The following SDK1 variants were observed in gnomAD, a reference collection of about 807,000 sequenced individuals.
SDK1 encodes protein sidekick-1.
SDK1 carries 157 observed loss-of-function variants against 245.5 expected under a neutral mutation model. That is an observed-to-expected ratio of 0.64 (90% CI 0.56 to 0.73). The LOEUF is 0.73. Among genes scored for constraint, SDK1 ranks in the 30% least tolerant of loss-of-function variants. The pLI, the probability that SDK1 is intolerant of heterozygous loss-of-function variation, is 0.00. For synonymous variants in SDK1, 1,647 were observed against 1,278.5 expected (o/e 1.29, Z -6.15); for missense variants, 3,583 against 3,002.3 (o/e 1.19, Z -4.52).
chr7:3,860,650 A>G (rs1202805755), intron 5 of SDK1, among the ~76,000 whole-genome samples: 1 of 152,208 alleles, frequency 6.6e-6, no homozygotes, highest in Non-Finnish European at 1.5e-5. Flanking sequence ...CTTTTAAATT[A>G]TCAGGCCCAG....
chr7:3,500,624 G>A (rs991007392), intron 1 of SDK1, among the ~76,000 whole-genome samples: 9 of 152,044 alleles, frequency 5.9e-5, no homozygotes, highest in Non-Finnish European at 1.0e-4. Flanking sequence ...ACAGCTAATT[G>A]TAGATCTCAT....
At chr7:3,483,332 C>A (rs1781576445) in intron 1 of SDK1, among the ~76,000 whole-genome samples, 1 of 151,960 alleles carries the variant, frequency 6.6e-6, no homozygotes, top group African/African-American at 2.4e-5. Context: ...TAGTTTTATA[C>A]CCACTTTTCC....
At chr7:3,939,667 A>G (rs968874764) in intron 5 of SDK1, among the ~76,000 whole-genome samples, 4 of 152,174 alleles carry the variant, frequency 2.6e-5, no homozygotes, top group African/African-American at 9.7e-5. Context: ...TCTTGGAGAT[A>G]TATACATATA....
At chr7:3,435,118 A>G (rs1779979439) in intron 1 of SDK1, among the ~76,000 whole-genome samples, 1 of 151,760 alleles carries the variant, frequency 6.6e-6, no homozygotes, top group Non-Finnish European at 1.5e-5. Flanking sequence ...TAAATTAAAG[A>G]TTTCTTAGTT....
intron 9 of SDK1, among the ~76,000 whole-genome samples, chr7:3,964,287 C>G (rs1054081502): frequency 1.3e-5 from 2 of 152,192 alleles, no homozygotes; most frequent in African/African-American, 4.8e-5. Flanking sequence ...GCACAGACGG[C>G]TGTCACTCCC....
rs936786190 is a variant in SDK1, at chr7:3,977,507, C to T, written c.1994+2962C>T. Among the ~76,000 whole-genome samples, 32 of 152,368 alleles carry T rather than the reference C, an allele frequency of 2.1e-4. 1 individual carries two copies. The highest frequency in any genetic ancestry group is 6.0e-4 in the African/African-American group (25 of 41,594). On this transcript the variant is annotated intron_variant, in intron 13 of 44. Coordinates refer to ENST00000404826, the MANE Select transcript of SDK1 (RefSeq NM_152744.4). ...TGCCTTCAGGCATTGGAGCCTACGA[C>T]CCTGGGTTCTTTCTGCCCTTCATGA...
At chr7:3,459,649 A>G (rs771496829) in intron 1 of SDK1, among the ~76,000 whole-genome samples, 3 of 152,196 alleles carry the variant, frequency 2.0e-5, no homozygotes, top group Admixed American at 1.3e-4. Context: ...ATGCTTTTCT[A>G]AGTCCCCACC....
At chr7:3,497,487 G>A (rs1483523794) in intron 1 of SDK1, among the ~76,000 whole-genome samples, 11 of 152,074 alleles carry the variant, frequency 7.2e-5, no homozygotes, top group African/African-American at 9.7e-5. Flanking sequence ...ATTGCTATTC[G>A]AGAGTGAGTT....
intron 1 of SDK1, among the ~76,000 whole-genome samples, chr7:3,566,027 C>G (rs1333786304): frequency 6.6e-6 from 1 of 151,810 alleles, no homozygotes; most frequent in African/African-American, 2.4e-5. Flanking sequence ...AATATAATAT[C>G]TATGAATTAA....
At chr7:3,374,770 C>A (rs1250703080) in intron 1 of SDK1, among the ~76,000 whole-genome samples, 1 of 152,138 alleles carries the variant, frequency 6.6e-6, no homozygotes, top group African/African-American at 2.4e-5. Flanking sequence ...GTCTCAGATT[C>A]AGTAATATTT....
intron 1 of SDK1, among the ~76,000 whole-genome samples, chr7:3,463,059 C>T (rs1780882558): frequency 1.3e-5 from 2 of 152,178 alleles, no homozygotes; most frequent in African/African-American, 4.8e-5. Context: ...TGCTATGGGG[C>T]TTTGCACTTG....
In SDK1 at chr7:3,987,278, G is replaced by A; in HGVS notation, c.2087G>A (p.Gly696Glu). Reference sequence around the variant, plus strand: ...CTCTCTTGGGTCCGGCCCTTTGATGGAAACAGTCCTATTCTTTATTACATC... The same window carrying A: ...CTCTCTTGGGTCCGGCCCTTTGATGAAAACAGTCCTATTCTTTATTACATC... ...VVLSWVRPFDGNSPILYYIVE... is the reference protein window; with the variant it reads ...VVLSWVRPFDENSPILYYIVE... The change falls in exon 14 of 45, where the codon GGA (glycine) becomes GAA (glutamate). Residue 696 changes from glycine to glutamate, a missense_variant. Physicochemically the swap from Gly to Glu is moderately conservative, Grantham distance 98. Transcript: ENST00000404826. 1 of 1,614,110 alleles carries A rather than the reference G, an allele frequency of 6.2e-7. No homozygotes were observed. Among genetic ancestry groups the A allele is most frequent in the Non-Finnish European group, 8.5e-7 (1 of 1,179,982 alleles).
intron 31 of SDK1, among the ~76,000 whole-genome samples, chr7:4,159,069 C>A (rs985347155): frequency 6.6e-6 from 1 of 152,210 alleles, no homozygotes; most frequent in African/African-American, 2.4e-5. Context: ...CAGCCGCGTC[C>A]AGCGGTGATC....
At chr7:3,563,310 C>T (rs1444308458) in intron 1 of SDK1, among the ~76,000 whole-genome samples, 7 of 151,908 alleles carry the variant, frequency 4.6e-5, no homozygotes, top group East Asian at 3.8e-4. Flanking sequence ...GATTATCCAT[C>T]GTAAAGATGT....
intron 4 of SDK1, chr7:3,643,635 C>A: frequency 6.9e-6 from 1 of 145,338 alleles, no homozygotes; most frequent in Admixed American, 6.9e-5. Context: ...CTTCCCTAAG[C>A]CTCCTGATTC....
Position 4,253,397 on chromosome 7 carries a change from A to G in SDK1, c.6381+7592A>G, listed in dbSNP as rs892861438. ...TAATTTCTTCTTTGACACATTCGTTATTTAGGAGTGTGTTTTACATTTCCT... is the reference window on the plus strand; with the variant it reads ...TAATTTCTTCTTTGACACATTCGTTGTTTAGGAGTGTGTTTTACATTTCCT... On this transcript the variant is annotated intron_variant, in intron 44 of 44. Transcript: ENST00000404826. Among the ~76,000 whole-genome samples, 7 of 152,172 alleles carry G rather than the reference A, an allele frequency of 4.6e-5. No individual in the cohort carries two copies. In the East Asian group the frequency reaches 1.4e-3, roughly 29 times the overall value.
rs10269172 is a variant in SDK1 at position 3,915,009 on chromosome 7, G to C, written c.848-35914G>C. ...AATCAGAATCATGCGCCATCCTTCA[G>C]TCAACTTTGTAAGGCACATTTCTCC... On this transcript the variant is annotated intron_variant, in intron 5 of 44. Coordinates refer to ENST00000404826, the MANE Select transcript of SDK1 (RefSeq NM_152744.4). 8.5e-3 allele frequency among the ~76,000 whole-genome samples: 1,292 copies of C among 152,314 alleles called. 15 individuals are homozygous for C. Among genetic ancestry groups the C allele is most frequent in the African/African-American group, 0.03 (1,234 of 41,570 alleles).
At chr7:3,686,664 C>G (rs1157667937) in intron 4 of SDK1, among the ~76,000 whole-genome samples, 1 of 152,114 alleles carries the variant, frequency 6.6e-6, no homozygotes, top group South Asian at 2.1e-4. Context: ...CGCACTGACC[C>G]TGAGTTAGAA....
intron 4 of SDK1, among the ~76,000 whole-genome samples, chr7:3,725,066 A>G (rs1409890671): frequency 6.6e-6 from 1 of 152,232 alleles, no homozygotes; most frequent in Non-Finnish European, 1.5e-5. Context: ...GAATGGGCCT[A>G]GTTGTTACTT....
Sources: allele counts gnomAD v4.1 joint callset (sites outside exome capture counted in the v4.1 genomes callset), GRCh38; gene constraint gnomAD v4.1.1; transcripts MANE v1.5; gene names NCBI Gene and HGNC (gene_info 2026-07-23, HGNC 2026-07-21).